The following TRIM68 variants were observed in gnomAD, a reference collection of about 807,000 sequenced individuals.
TRIM68 encodes E3 ubiquitin-protein ligase TRIM68.
TRIM68 carries 36 observed loss-of-function variants against 41.9 expected under a neutral mutation model. That is an observed-to-expected ratio of 0.86 (90% CI 0.66 to 1.14). The LOEUF (loss-of-function observed/expected upper bound fraction) is 1.14. TRIM68 is among the 50% of genes most tolerant of loss of function. The pLI, the probability that TRIM68 is intolerant of heterozygous loss-of-function variation, is 0.00. For missense variants in TRIM68, 632 were observed against 605.1 expected, an observed-to-expected ratio of 1.04 and a Z score of -0.47; for synonymous variants, 225 against 224.6, an observed-to-expected ratio of 1.00 and a Z score of -0.02.
At chr11:4,604,741 A>T (rs972611446) in intron 2 of TRIM68, among the ~76,000 whole-genome samples, 1 of 152,194 alleles carries the variant, frequency 6.6e-6, no homozygotes, top group African/African-American at 2.4e-5. Flanking sequence ...TTGACCATCT[A>T]TATAAGAGCC....
Position 4,603,124 on chromosome 11 carries a change from C to A in TRIM68, c.522+121G>T, listed in dbSNP as rs1354288551. 38 of 960,796 alleles carry A rather than the reference C, an allele frequency of 4.0e-5. No individual in the cohort carries two copies. In the Admixed American group the frequency reaches 6.9e-4, roughly 17 times the overall value. The allele number at this position is 960,796 out of a possible 1,614,324, so 59.5% of individuals were successfully genotyped here. The stretch of plus-strand genomic sequence containing the variant: ...GACAGAGAAAGCAGGGATTAGAACC[C>A]TAGGCTCTGTGATTTCAAGCCTCAC... On this transcript the variant is annotated intron_variant, in intron 3 of 6. Coordinates refer to ENST00000300747, the MANE Select transcript of TRIM68 (RefSeq NM_018073.8).
At chr11:4,602,605 G>A (rs1846510712) in intron 3 of TRIM68, among the ~76,000 whole-genome samples, 193 bp from the exon 4 acceptor site, 1 of 152,100 alleles carries the variant, frequency 6.6e-6, no homozygotes, top group Non-Finnish European at 1.5e-5. Flanking sequence ...GGTCTCTATT[G>A]TCACTCTTAT....
rs150937700 is a variant in TRIM68, at chr11:4,602,357, C to T, written c.578G>A (p.Arg193Gln). 510 of 1,614,106 alleles carry T rather than the reference C, an allele frequency of 3.2e-4. No individual in the cohort carries two copies. Among genetic ancestry groups the T allele is most frequent in the Middle Eastern group, 8.3e-4 (5 of 6,022 alleles). ...SIVWEFEKYQ[R>Q]LLEKKQPPHR... ...TGGTGGCTGCTTTTTCTCTAGTAAT[C>T]GCTGGTATTTTTCAAACTCCCATAC... Residue 193 changes from arginine (R) to glutamine (Q), a missense_variant, in exon 4 of 7, where the codon CGA (arginine) becomes CAA (glutamine). Transcript: ENST00000300747.
intron 5 of TRIM68, 62 bp from the exon 6 acceptor site, chr11:4,601,189 T>C: frequency 7.8e-7 from 1 of 1,289,712 alleles, no homozygotes; most frequent in Non-Finnish European, 1.1e-6. Context: ...GGCCTTATCT[T>C]AGTACAGGGA....
chr11:4,608,055 G>A lies in TRIM68; in HGVS notation c.-86C>T, dbSNP rs1374731230. On this transcript the variant is annotated 5_prime_UTR_variant, in exon 1 of 7. Transcript: ENST00000300747. ...CCTCCTCGGCCCGGACTGGCGCTTC[G>A]CGGCGGAAACTCAAAGTGAAGAAGC... The A allele has an allele frequency of 1.3e-5, 2 of 152,358 alleles. No homozygotes were observed. Among genetic ancestry groups the A allele is most frequent in the South Asian group, 2.1e-4 (1 of 4,836 alleles). 9.4% of individuals were successfully genotyped at this position (152,358 alleles called of 1,614,324 possible).
intron 3 of TRIM68, 83 bp downstream of exon 3, chr11:4,603,162 A>G: frequency 1.6e-6 from 2 of 1,247,114 alleles, no homozygotes; most frequent in South Asian, 2.4e-5. Context: ...TCTGCCTCAC[A>G]GTGATGAGAA....
At chr11:4,604,108 C>T (rs1048298002) in intron 2 of TRIM68, among the ~76,000 whole-genome samples, 2 of 152,166 alleles carry the variant, frequency 1.3e-5, no homozygotes, top group African/African-American at 4.8e-5. Flanking sequence ...TCATCCAGCC[C>T]TTTACCCCTA....
intron 1 of TRIM68, among the ~76,000 whole-genome samples, chr11:4,607,166 G>A (rs1337332915): frequency 6.6e-6 from 1 of 152,162 alleles, no homozygotes; most frequent in Non-Finnish European, 1.5e-5. Context: ...TATTCTCCCA[G>A]CTGAAAATGA....
At chr11:4,604,277 G>A (rs1047490438) in intron 2 of TRIM68, among the ~76,000 whole-genome samples, 2 of 152,218 alleles carry the variant, frequency 1.3e-5, no homozygotes, top group Non-Finnish European at 2.9e-5. Context: ...AGAGAGTTGA[G>A]ACCAATGCTG....
In TRIM68 at chr11:4,600,455, C is replaced by G. The variant is rs747773375; in HGVS notation, c.1279G>C (p.Val427Leu). The G allele has an allele frequency of 6.2e-7, 1 of 1,613,592 alleles. No individual in the cohort carries two copies. Among genetic ancestry groups the G allele is most frequent in the Non-Finnish European group, 8.5e-7 (1 of 1,179,772 alleles). ...PVPPRRVGIFVDYEAHDISFY... is the reference protein window; with the variant it reads ...PVPPRRVGIFLDYEAHDISFY... ...GAAATGTCATGGGCCTCATAATCCA[C>G]GAAGATTCCCACCCGGCGAGGAGGG... Residue 427 changes from valine to leucine, a missense_variant, in exon 7 of 7, where the codon GTG becomes CTG. Physicochemically the swap from Val to Leu is conservative, Grantham distance 32. Coordinates refer to ENST00000300747, the MANE Select transcript of TRIM68 (RefSeq NM_018073.8).
chr11:4,605,680 C>T lies in TRIM68; in HGVS notation c.-57-119G>A, dbSNP rs11033006. 7.9e-3 allele frequency: 5,230 copies of T among 662,306 alleles called. 187 individuals carry two copies. The highest frequency in any genetic ancestry group is 0.078 in the African/African-American group (4,310 of 55,068). The allele number at this position is 662,306 out of a possible 1,614,324, so 41.0% of individuals were successfully genotyped here. On this transcript the variant is annotated intron_variant, in intron 1 of 6. Transcript: ENST00000300747. ...ACCTTCCTTTTGACCCTTTACTGAC[C>T]TTCTTTAATAAGCATTGGCCTTTCC...
In TRIM68 at chr11:4,603,330, T is replaced by A. The variant is rs1846521731; in HGVS notation, c.437A>T (p.His146Leu). The A allele has an allele frequency of 1.9e-6, 3 of 1,614,138 alleles. No individual in the cohort carries two copies. In the East Asian group the frequency reaches 6.7e-5, roughly 36 times the overall value. The change falls in exon 3 of 7, where the codon CAT becomes CTT. Residue 146 changes from histidine to leucine, a missense_variant. By Grantham distance (99) the His-to-Leu change is moderately conservative. Coordinates refer to ENST00000300747, the MANE Select transcript of TRIM68 (RefSeq NM_018073.8). ...TTTCTTCAGATGTTCGAGGGCCTCA[T>A]GAAGTTCCCACTGCAAGAGACAAAA... ...DVAWEYKWEL[H>L]EALEHLKKEQ...
At chr11:4,603,377 C>T (rs1027149577) in intron 2 of TRIM68, 37 bp from the exon 3 acceptor site, 2 of 1,598,258 alleles carry the variant, frequency 1.3e-6, no homozygotes, top group Non-Finnish European at 1.7e-6. Flanking sequence ...CCACCTCCGG[C>T]AGCCTAGGCT....
intron 4 of TRIM68, 103 bp downstream of exon 4, chr11:4,602,049 A>G (rs2231970): frequency 0.4 from 599,743 of 1,514,286 alleles, 119,723 homozygotes; most frequent in African/African-American, 0.52. Flanking sequence ...ACCAGCTGGC[A>G]GAGGGCTGGC....
intron 1 of TRIM68, among the ~76,000 whole-genome samples, chr11:4,606,013 A>C (rs540630856): frequency 6.6e-6 from 1 of 152,354 alleles, no homozygotes; most frequent in African/African-American, 2.4e-5. Flanking sequence ...TCAAAGTGTC[A>C]AAAGGTAGTA....
At chr11:4,600,881 G>A in intron 6 of TRIM68, 55 bp from the exon 7 acceptor site, 1 of 1,581,072 alleles carries the variant, frequency 6.3e-7, no homozygotes, top group Admixed American at 1.7e-5. Flanking sequence ...GGACATGGGT[G>A]AGAGCCCTCT....
chr11:4,606,004 C>T (rs1846563204), intron 1 of TRIM68, among the ~76,000 whole-genome samples: 1 of 152,144 alleles, frequency 6.6e-6, no homozygotes, highest in Non-Finnish European at 1.5e-5. Flanking sequence ...TAATATAATT[C>T]AAAGTGTCAA....
intron 4 of TRIM68, 107 bp downstream of exon 4, chr11:4,602,045 T>G: frequency 6.7e-7 from 1 of 1,500,718 alleles, no homozygotes; most frequent in South Asian, 1.2e-5. Flanking sequence ...CATGACCAGC[T>G]GGCAGAGGGC....
At position 4,605,369 on chromosome 11, in the gene TRIM68, T is replaced by A; in HGVS notation, c.136A>T (p.Ile46Phe). ...CCCCAGTTCTGGGATTCTCCTGGGA[T>A]CTCCCAGAGTCCAGAGAGACAGCTG... ...CHSCLSGLWEIPGESQNWGYT... is the reference protein window; with the variant it reads ...CHSCLSGLWEFPGESQNWGYT... The change falls in exon 2 of 7, where the codon ATC becomes TTC. Residue 46 changes from isoleucine (I) to phenylalanine (F), a missense_variant. Transcript: ENST00000300747. 1 of 1,614,154 alleles carries A rather than the reference T, an allele frequency of 6.2e-7. No individual in the cohort carries two copies. Among genetic ancestry groups the A allele is most frequent in the Non-Finnish European group, 8.5e-7 (1 of 1,180,034 alleles).
Sources: allele counts gnomAD v4.1 joint callset (sites outside exome capture counted in the v4.1 genomes callset), GRCh38; gene constraint gnomAD v4.1.1; transcripts MANE v1.5; gene names NCBI Gene and HGNC (gene_info 2026-07-23, HGNC 2026-07-21).